CCDC141: variants seen among roughly 807,000 people sequenced by gnomAD.
CCDC141 encodes the protein coiled-coil domain-containing protein 141.
CCDC141 carries 168 observed loss-of-function variants against 181.0 expected under a neutral mutation model. The observed-to-expected ratio is 0.93, with a 90% CI of 0.82 to 1.05. The LOEUF is 1.05. CCDC141 is among the 50% of genes least tolerant of loss of function. The pLI, the probability that CCDC141 is intolerant of heterozygous loss-of-function variation, is 0.00. For missense variants in CCDC141, 1,902 were observed against 1,788.5 expected, an observed-to-expected ratio of 1.06 and a Z score of -1.14; for synonymous variants, 666 against 642.3, an observed-to-expected ratio of 1.04 and a Z score of -0.56.
chr2:178,850,952 T>C (rs1003141248), intron 20 of CCDC141, among the ~76,000 whole-genome samples: 1 of 152,144 alleles, frequency 6.6e-6, no homozygotes, highest in Non-Finnish European at 1.5e-5. Flanking sequence ...GCGCCTGTAA[T>C]CCGAGCACTT....
chr2:179,015,089 T>G (rs993151378), intron 2 of CCDC141, among the ~76,000 whole-genome samples: 1 of 47,124 alleles, frequency 2.1e-5, no homozygotes, highest in Admixed American at 1.7e-4. Context: ...TATATATATA[T>G]ATATATATAT....
At chr2:179,038,698 G>T (rs1055400635) in intron 2 of CCDC141, among the ~76,000 whole-genome samples, 1 of 151,956 alleles carries the variant, frequency 6.6e-6, no homozygotes, top group Non-Finnish European at 1.5e-5. Context: ...TAGAAATAGG[G>T]CAAAAATAAG....
At chr2:178,970,300 C>A (rs982762584) in intron 4 of CCDC141, among the ~76,000 whole-genome samples, 1 of 152,150 alleles carries the variant, frequency 6.6e-6, no homozygotes, top group African/African-American at 2.4e-5. Flanking sequence ...AAAAAAAGAG[C>A]CCACATAGCC....
intron 6 of CCDC141, among the ~76,000 whole-genome samples, chr2:178,928,170 T>C (rs78581088): frequency 0.047 from 7,131 of 152,190 alleles, 215 homozygotes; most frequent in South Asian, 0.079. Context: ...CCACGCTGAG[T>C]AGCACAAGGA....
At chr2:178,922,590 A>G (rs988439335) in intron 6 of CCDC141, among the ~76,000 whole-genome samples, 3 of 152,262 alleles carry the variant, frequency 2.0e-5, no homozygotes, top group Non-Finnish European at 4.4e-5. Flanking sequence ...CAGAATAAAC[A>G]CAAAGCTAAT....
At chr2:179,033,050 A>C (rs568358291) in intron 2 of CCDC141, among the ~76,000 whole-genome samples, 1 of 147,164 alleles carries the variant, frequency 6.8e-6, no homozygotes, top group African/African-American at 2.5e-5. Context: ...ATAGTTTAGA[A>C]AAGATGCATT....
At chr2:178,974,490 T>C (rs899509824) in intron 4 of CCDC141, among the ~76,000 whole-genome samples, 1 of 152,176 alleles carries the variant, frequency 6.6e-6, no homozygotes. Flanking sequence ...GGCATACAAA[T>C]TGTTGGTTAA....
At chr2:178,818,812 T>C in the CCDC141 span, among the ~76,000 whole-genome samples, 1 of 152,314 alleles carries the variant, frequency 6.6e-6, no homozygotes, top group South Asian at 2.1e-4. Flanking sequence ...GATTGCTGGG[T>C]CAAACGGTAT....
chr2:178,934,551 T>A (rs1689213774), intron 6 of CCDC141, among the ~76,000 whole-genome samples: 1 of 152,314 alleles, frequency 6.6e-6, no homozygotes, highest in Non-Finnish European at 1.5e-5. Context: ...TTAAAACAAT[T>A]ACCCAGAGTC....
At chr2:179,006,634 G>A (rs140148917) in intron 2 of CCDC141, among the ~76,000 whole-genome samples, 1 of 152,252 alleles carries the variant, frequency 6.6e-6, no homozygotes, top group East Asian at 1.9e-4. Flanking sequence ...TAACTTTTTT[G>A]TCTAACACAT....
intron 8 of CCDC141, among the ~76,000 whole-genome samples, chr2:178,899,444 T>A (rs1687577367): frequency 1.3e-5 from 2 of 152,144 alleles, no homozygotes; most frequent in Non-Finnish European, 2.9e-5. Flanking sequence ...AATAAGTGAG[T>A]TTGTGCTCAA....
intron 7 of CCDC141, among the ~76,000 whole-genome samples, chr2:178,908,859 G>C (rs899572267): frequency 2.6e-5 from 4 of 152,172 alleles, no homozygotes; most frequent in African/African-American, 7.2e-5. Context: ...GAATTAGGAA[G>C]AAAAATATAT....
intron 7 of CCDC141, among the ~76,000 whole-genome samples, chr2:178,913,981 A>G (rs1688331927): frequency 6.6e-6 from 1 of 152,212 alleles, no homozygotes; most frequent in Non-Finnish European, 1.5e-5. Context: ...TTTGAAACAT[A>G]TTGTATATTT....
chr2:178,992,948 C>A (rs1432512098), intron 2 of CCDC141, among the ~76,000 whole-genome samples: 2 of 152,098 alleles, frequency 1.3e-5, no homozygotes, highest in African/African-American at 4.8e-5. Context: ...GTTTGCATCC[C>A]CTTACGCTGT....
Position 178,832,645 on chromosome 2 carries a change from C to T in CCDC141, c.*1528G>A, listed in dbSNP as rs1384794860. 1 of 152,038 alleles carries T rather than the reference C, an allele frequency of 6.6e-6. No individual in the cohort carries two copies. Among genetic ancestry groups the T allele is most frequent in the African/African-American group, 2.4e-5 (1 of 41,404 alleles). 9.4% of individuals were successfully genotyped at this position (152,038 alleles called of 1,614,324 possible). ...AAGTATACGCCAACTTTTTACTTGA[C>T]TACACATTTCACATCTTCAGATAAC... On this transcript the variant is annotated 3_prime_UTR_variant, in exon 24 of 24. Transcript: ENST00000443758.
At chr2:178,815,100 G>A in the CCDC141 span, among the ~76,000 whole-genome samples, 1 of 152,170 alleles carries the variant, frequency 6.6e-6, no homozygotes, top group African/African-American at 2.4e-5. Flanking sequence ...CAAGTCTTCA[G>A]GACTGTGAGA....
At chr2:178,973,953 C>T (rs908484387) in intron 4 of CCDC141, among the ~76,000 whole-genome samples, 1 of 152,112 alleles carries the variant, frequency 6.6e-6, no homozygotes, top group African/African-American at 2.4e-5. Flanking sequence ...AAAGCACAAA[C>T]TTTTGATGCT....
chr2:178,990,618 GGGAAGGGAAT>G (rs1220836435), intron 2 of CCDC141, among the ~76,000 whole-genome samples: 21 of 150,434 alleles, frequency 1.4e-4, no homozygotes, highest in African/African-American at 4.9e-4. Flanking sequence ...GGGAAGGGAA[GGGAAGGGAAT>G]GGAAGGGAAG....
chr2:179,024,293 T>C (rs1004423824), intron 2 of CCDC141, among the ~76,000 whole-genome samples: 3 of 152,242 alleles, frequency 2.0e-5, no homozygotes, highest in African/African-American at 7.2e-5. Flanking sequence ...ATTTAAATCA[T>C]TGCTATTTTG....
Sources: allele counts gnomAD v4.1 joint callset (sites outside exome capture counted in the v4.1 genomes callset), GRCh38; gene constraint gnomAD v4.1.1; transcripts MANE v1.5; gene names NCBI Gene and HGNC (gene_info 2026-07-23, HGNC 2026-07-21).